The following LRRC72 variants were observed in gnomAD, a reference collection of about 807,000 sequenced individuals.
LRRC72 encodes leucine-rich repeat-containing protein 72.
In LRRC72, 41 loss-of-function variants were observed where a neutral mutation model predicts 35.8. The observed-to-expected ratio is 1.15, with a 90% CI of 0.89 to 1.49. The LOEUF is 1.49. Ranked by LOEUF, LRRC72 falls within the 40% of genes most tolerant of loss-of-function variation. LRRC72 has a pLI of 0.00. For missense variants in LRRC72, 389 were observed against 330.7 expected (o/e 1.18, Z -1.37); for synonymous variants, 118 against 119.2 (o/e 0.99, Z 0.07).
At chr7:16,578,659 C>T (rs1583656353) in intron 7 of LRRC72, among the ~76,000 whole-genome samples, 1 of 152,124 alleles carries the variant, frequency 6.6e-6, no homozygotes, top group Admixed American at 6.5e-5. Flanking sequence ...ACATACAAAA[C>T]TTTTAATAGT....
chr7:16,562,940 T>TG (rs1351461184), intron 5 of LRRC72, among the ~76,000 whole-genome samples: 1 of 152,130 alleles, frequency 6.6e-6, no homozygotes, highest in African/African-American at 2.4e-5. Context: ...AAAAAGCACA[T>TG]GGTGTGTGGT....
At chr7:16,565,128 T>C (rs139071362) in intron 5 of LRRC72, among the ~76,000 whole-genome samples, 1 of 152,272 alleles carries the variant, frequency 6.6e-6, no homozygotes, top group East Asian at 1.9e-4. Flanking sequence ...AAATTGCATG[T>C]AGGTAGGTGG....
intron 8 of LRRC72, 34 bp downstream of exon 8, chr7:16,580,135 T>C (rs376478939): frequency 3.3e-5 from 11 of 338,032 alleles, no homozygotes; most frequent in East Asian, 2.3e-4. Context: ...TATTATCAGA[T>C]TATTTCATAA....
intron 3 of LRRC72, among the ~76,000 whole-genome samples, chr7:16,552,181 T>A (rs895314752): frequency 2.0e-5 from 3 of 152,212 alleles, no homozygotes; most frequent in African/African-American, 7.2e-5. Flanking sequence ...CTAATAATAA[T>A]GAGTTGTTAT....
At chr7:16,530,125 CA>C in intron 1 of LRRC72, 1 of 151,824 alleles carries the variant, frequency 6.6e-6, no homozygotes, top group South Asian at 2.1e-4. Flanking sequence ...TCGGGAGAAA[CA>C]AAACAATAGG....
chr7:16,534,924 G>A (rs866691631), intron 2 of LRRC72, among the ~76,000 whole-genome samples: 12 of 152,202 alleles, frequency 7.9e-5, no homozygotes, highest in African/African-American at 2.9e-4. Flanking sequence ...GAGGCCAGAC[G>A]TGGTGGCTTA....
chr7:16,532,666 T>C (rs1426785048), intron 2 of LRRC72, 98 bp downstream of exon 2: 2 of 963,844 alleles, frequency 2.1e-6, no homozygotes, highest in Non-Finnish European at 3.3e-6. Flanking sequence ...TTTTTCCCCC[T>C]CAAGGACTGG....
chr7:16,527,178 G>T, intron 1 of LRRC72, 136 bp downstream of exon 1: 1 of 673,920 alleles, frequency 1.5e-6, no homozygotes, highest in East Asian at 2.7e-5. Flanking sequence ...AGATAGGTCA[G>T]ATTTCAAATT....
intron 7 of LRRC72, 69 bp downstream of exon 7, chr7:16,567,612 TG>T (rs1275697514): frequency 2.0e-5 from 25 of 1,220,350 alleles, no homozygotes; most frequent in Admixed American, 1.8e-4. Context: ...TTGGGTAATT[TG>T]ATTGTAATAA....
intron 1 of LRRC72, chr7:16,530,268 C>CA (rs1782139452): frequency 6.6e-6 from 1 of 152,124 alleles, no homozygotes; most frequent in African/African-American, 2.4e-5. Context: ...TAGTTTAGTC[C>CA]AAGCCCAGAG....
chr7:16,558,589 A>G (rs1363546009), intron 4 of LRRC72, among the ~76,000 whole-genome samples: 3 of 152,164 alleles, frequency 2.0e-5, no homozygotes, highest in Non-Finnish European at 4.4e-5. Context: ...CAGCCTGGGC[A>G]ACAAGAGTGA....
intron 3 of LRRC72, among the ~76,000 whole-genome samples, chr7:16,541,712 G>C (rs532397833): frequency 6.6e-5 from 10 of 152,326 alleles, no homozygotes; most frequent in African/African-American, 2.4e-4. Flanking sequence ...AGCAGTTCAA[G>C]ACCAGCCTGG....
At chr7:16,539,780 C>A (rs1782324586) in intron 3 of LRRC72, among the ~76,000 whole-genome samples, 1 of 152,220 alleles carries the variant, frequency 6.6e-6, no homozygotes, top group African/African-American at 2.4e-5. Context: ...AAACCCCAAG[C>A]CTTGGCAGCT....
chr7:16,581,409 A>C lies in LRRC72; in HGVS notation c.784A>C (p.Thr262Pro). The C allele has an allele frequency of 6.5e-7, 1 of 1,550,376 alleles. No homozygotes were observed. The highest frequency in any genetic ancestry group is 1.2e-5 in the South Asian group (1 of 83,870). Residue 262 changes from threonine to proline, a missense_variant, in exon 9 of 9, where the codon ACA becomes CCA. By Grantham distance (38) the Thr-to-Pro change is conservative. Transcript: ENST00000401542. Reference protein sequence around the residue: ...VMTLTSMNWDTVPTREERYLE... With the variant: ...VMTLTSMNWDPVPTREERYLE... ...GACTTTGACCTCTATGAACTGGGAC[A>C]CAGTTCCAACACGAGAGGAAAGGTA...
chr7:16,574,584 T>G (rs1012164593), intron 7 of LRRC72, among the ~76,000 whole-genome samples: 4 of 151,708 alleles, frequency 2.6e-5, no homozygotes, highest in African/African-American at 9.7e-5. Context: ...CACTCATAAG[T>G]GGGAGTTGAA....
intron 7 of LRRC72, among the ~76,000 whole-genome samples, chr7:16,570,061 C>T (rs867801232): frequency 6.6e-6 from 1 of 151,824 alleles, no homozygotes; most frequent in Non-Finnish European, 1.5e-5. Context: ...AAAGAATTCA[C>T]ATAAGCCTCT....
At chr7:16,544,213 A>G (rs967109526) in intron 3 of LRRC72, among the ~76,000 whole-genome samples, 1 of 152,172 alleles carries the variant, frequency 6.6e-6, no homozygotes, top group African/African-American at 2.4e-5. Flanking sequence ...GGAAGGGTGC[A>G]TATTTCTTCA....
chr7:16,579,856 G>A (rs966668230), intron 7 of LRRC72, among the ~76,000 whole-genome samples: 1 of 152,040 alleles, frequency 6.6e-6, no homozygotes, highest in African/African-American at 2.4e-5. Flanking sequence ...AAAAAAATTT[G>A]CCCCAAAACC....
chr7:16,529,296 C>T (rs887436518), intron 1 of LRRC72, among the ~76,000 whole-genome samples: 4 of 152,208 alleles, frequency 2.6e-5, no homozygotes, highest in Non-Finnish European at 5.9e-5. Context: ...CTTCCACCAA[C>T]ATCCCATTTC....
Sources: gnomAD v4.1 joint callset for allele counts (sites outside exome capture counted in the v4.1 genomes callset) on GRCh38, gnomAD v4.1.1 for gene constraint, MANE v1.5 for transcripts, NCBI Gene and HGNC (gene_info 2026-07-23, HGNC 2026-07-21) for gene names.